Variants in FSTL5 observed in about 807,000 individuals in gnomAD.
FSTL5 encodes the protein follistatin-related protein 5.
A neutral mutation model predicts 89.1 loss-of-function variants in FSTL5; 62 were observed. The observed-to-expected ratio is 0.70, with a 90% CI of 0.57 to 0.86. The LOEUF is 0.86. Ranked by LOEUF, FSTL5 falls within the 40% of genes least tolerant of loss-of-function variation. The pLI is 0.00. For synonymous variants in FSTL5, 383 were observed against 346.2 expected (o/e 1.11, Z -1.18); for missense variants, 1,057 against 1,001.6 (o/e 1.06, Z -0.75).
intron 4 of FSTL5, among the ~76,000 whole-genome samples, chr4:161,882,982 G>C (rs993991339): frequency 6.6e-6 from 1 of 152,040 alleles, no homozygotes; most frequent in African/African-American, 2.4e-5. Flanking sequence ...TATCTCATTG[G>C]GATCAATAGT....
At chr4:161,630,340 T>C (rs1206800408) in intron 7 of FSTL5, among the ~76,000 whole-genome samples, 1 of 152,204 alleles carries the variant, frequency 6.6e-6, no homozygotes, top group Non-Finnish European at 1.5e-5. Context: ...TCTTGACTGT[T>C]GCTTTCGTCT....
At chr4:162,102,982 C>CTTTAAGCAAAATAT (rs2111387767) in intron 2 of FSTL5, among the ~76,000 whole-genome samples, 1 of 151,912 alleles carries the variant, frequency 6.6e-6, no homozygotes, top group African/African-American at 2.4e-5. Flanking sequence ...ACTTTTAAAG[C>CTTTAAGCAAAATAT]TTTAAGCAAA....
At chr4:161,803,992 G>T (rs1039721496) in intron 4 of FSTL5, among the ~76,000 whole-genome samples, 2 of 151,974 alleles carry the variant, frequency 1.3e-5, no homozygotes, top group Non-Finnish European at 2.9e-5. Context: ...ATTGTGGACT[G>T]AAGTCCCTTT....
intron 3 of FSTL5, among the ~76,000 whole-genome samples, chr4:161,969,434 TTAGATGTGCAAAAATAAA>T (rs1735419870): frequency 6.6e-6 from 1 of 152,104 alleles, no homozygotes; most frequent in Non-Finnish European, 1.5e-5. Flanking sequence ...TGTAAAAGAA[TTAGATGTGCAAAAATAAA>T]TAGCAGAATT....
chr4:162,062,809 A>G (rs1182635813), intron 2 of FSTL5, among the ~76,000 whole-genome samples: 2 of 151,558 alleles, frequency 1.3e-5, no homozygotes, highest in African/African-American at 2.4e-5. Context: ...TTATTAAAAA[A>G]ACCCAGAATA....
intron 4 of FSTL5, among the ~76,000 whole-genome samples, chr4:161,885,276 C>A (rs1323244042): frequency 1.3e-5 from 2 of 151,910 alleles, no homozygotes; most frequent in African/African-American, 4.8e-5. Context: ...CGAGTAAAAG[C>A]AATCAAGTGA....
chr4:161,782,512 C>T (rs1741709981), intron 4 of FSTL5, among the ~76,000 whole-genome samples: 3 of 151,982 alleles, frequency 2.0e-5, no homozygotes, highest in Admixed American at 2.0e-4. Flanking sequence ...TTTTATAAGA[C>T]CTTAGTTCCT....
rs145358611 is a variant in FSTL5, at chr4:162,114,184, CT to C, written c.-16-2773del. Among the ~76,000 whole-genome samples the C allele has an allele frequency of 9.7e-3, 1,480 of 151,960 alleles. 26 individuals are homozygous for C. Among genetic ancestry groups the C allele is most frequent in the African/African-American group, 0.033 (1,356 of 41,450 alleles). On this transcript the variant is annotated intron_variant, in intron 1 of 15. Coordinates refer to ENST00000306100, the MANE Select transcript of FSTL5 (RefSeq NM_020116.5). ...ATATTTTCATTTGCAACCCATCCCC[CT>C]TTTTTTTGTCATTTTGATGTATAGC...
chr4:162,069,459 C>T (rs1257339162), intron 2 of FSTL5, among the ~76,000 whole-genome samples: 3 of 151,664 alleles, frequency 2.0e-5, no homozygotes, highest in Admixed American at 6.6e-5. Context: ...TATAGTCAAC[C>T]CACAGTTCTG....
intron 4 of FSTL5, among the ~76,000 whole-genome samples, chr4:161,804,196 T>A (rs1729888236): frequency 6.6e-6 from 1 of 151,954 alleles, no homozygotes; most frequent in African/African-American, 2.4e-5. Flanking sequence ...TTTTAAGAGC[T>A]CTTGTGATTA....
chr4:161,644,385 G>T (rs1736071442), intron 7 of FSTL5, among the ~76,000 whole-genome samples: 2 of 152,142 alleles, frequency 1.3e-5, no homozygotes. Flanking sequence ...AATTAGCTGG[G>T]TGTGGTGGCC....
intron 4 of FSTL5, among the ~76,000 whole-genome samples, chr4:161,893,009 C>A (rs181327661): frequency 6.6e-6 from 1 of 152,142 alleles, no homozygotes; most frequent in Non-Finnish European, 1.5e-5. Context: ...GAGTGTTTTC[C>A]CACCAGAGCT....
At position 161,384,271 on chromosome 4, in the gene FSTL5, C is replaced by A. The variant is rs2110853640; in HGVS notation, c.*1476G>T. The A allele has an allele frequency of 6.6e-6, 1 of 152,062 alleles. No homozygotes were observed. Among genetic ancestry groups the A allele is most frequent in the South Asian group, 2.1e-4 (1 of 4,814 alleles). The allele number at this position is 152,062 out of a possible 1,614,324, so 9.4% of individuals were successfully genotyped here. ...TAAAATTTGTATATTTAAAAAAGACCTTATTGGATTACCTTAAGTAAATGG... is the reference window on the plus strand; with the variant it reads ...TAAAATTTGTATATTTAAAAAAGACATTATTGGATTACCTTAAGTAAATGG... On this transcript the variant is annotated 3_prime_UTR_variant, in exon 16 of 16. Coordinates refer to ENST00000306100, the MANE Select transcript of FSTL5 (RefSeq NM_020116.5).
intron 6 of FSTL5, among the ~76,000 whole-genome samples, chr4:161,710,750 T>C (rs1203604451): frequency 2.6e-5 from 4 of 152,210 alleles, no homozygotes; most frequent in Admixed American, 1.3e-4. Flanking sequence ...AATGCTTCTA[T>C]CTTACTGGAA....
chr4:161,719,665 T>C (rs922695012), intron 6 of FSTL5, among the ~76,000 whole-genome samples: 27 of 152,126 alleles, frequency 1.8e-4, no homozygotes, highest in African/African-American at 6.3e-4. Context: ...TCATCAGTAT[T>C]TTATGGTTTT....
At chr4:161,948,146 A>G (rs1292280359) in intron 3 of FSTL5, among the ~76,000 whole-genome samples, 2 of 151,678 alleles carry the variant, frequency 1.3e-5, no homozygotes, top group South Asian at 4.2e-4. Context: ...TGCTGGGTGT[A>G]GTTGTGTGCA....
chr4:161,540,821 C>T (rs1385759243), intron 9 of FSTL5, among the ~76,000 whole-genome samples: 1 of 152,042 alleles, frequency 6.6e-6, no homozygotes, highest in Non-Finnish European at 1.5e-5. Context: ...CAAGAACATG[C>T]TCATCACCTG....
chr4:161,746,717 C>T (rs1740214282), intron 6 of FSTL5, among the ~76,000 whole-genome samples: 1 of 152,184 alleles, frequency 6.6e-6, no homozygotes, highest in African/African-American at 2.4e-5. Flanking sequence ...ATGTAAATTA[C>T]AATCCCTGTG....
At chr4:161,897,284 A>G (rs1187828661) in intron 4 of FSTL5, among the ~76,000 whole-genome samples, 4 of 151,800 alleles carry the variant, frequency 2.6e-5, no homozygotes, top group Non-Finnish European at 1.5e-5. Context: ...ATATATTCTA[A>G]TGGTATGTAT....
Sources: allele counts gnomAD v4.1 joint callset (sites outside exome capture counted in the v4.1 genomes callset), GRCh38; gene constraint gnomAD v4.1.1; transcripts MANE v1.5; gene names NCBI Gene and HGNC (gene_info 2026-07-23, HGNC 2026-07-21).